The following ASCC3 variants were observed in gnomAD, a reference collection of about 807,000 sequenced individuals.
ASCC3 encodes the protein activating signal cointegrator 1 complex subunit 3, also known as ASC-1 complex subunit P200.
A neutral mutation model predicts 256.3 loss-of-function variants in ASCC3; 158 were observed. The ratio of observed to expected loss-of-function variants is 0.62; its 90% confidence interval spans 0.54 to 0.70. ASCC3 has a LOEUF of 0.70. Among genes scored for constraint, ASCC3 ranks in the 30% least tolerant of loss-of-function variants. ASCC3 has a pLI of 0.00. For missense variants in ASCC3, 2,259 were observed against 2,626.0 expected, an observed-to-expected ratio of 0.86 and a Z score of 3.05; for synonymous variants, 948 against 883.4, an observed-to-expected ratio of 1.07 and a Z score of -1.30.
At chr6:100,712,090 A>G (rs957384784) in intron 13 of ASCC3, among the ~76,000 whole-genome samples, 2 of 152,236 alleles carry the variant, frequency 1.3e-5, no homozygotes, top group African/African-American at 4.8e-5. Context: ...ATCTAGACGC[A>G]GACCTCATAT....
chr6:100,663,214 A>T (rs1270708522), intron 14 of ASCC3, among the ~76,000 whole-genome samples: 1 of 151,996 alleles, frequency 6.6e-6, no homozygotes, highest in Non-Finnish European at 1.5e-5. Context: ...TCAACTATAG[A>T]TGTGCATTGA....
rs1348668081 is a variant in ASCC3 at position 100,638,728 on chromosome 6, G to A, written c.3995C>T (p.Thr1332Ile). 6.2e-7 allele frequency: 1 copy of A among 1,613,978 alleles called. No individual in the cohort carries two copies. Residue 1332 changes from threonine to isoleucine, a missense_variant, in exon 25 of 42, where the codon ACA becomes ATA. Thr to Ile is a moderately conservative substitution (Grantham distance 89). Around this residue, in one of 2 missense-constraint regions of ASCC3, gnomAD observed 1,839 missense variants for 2,206.7 expected, o/e 0.83. Transcript: ENST00000369162. ...GTGATACAATGTATGAAATATTTGT[G>A]TCTGTACAGGGTTAAAGTGGCTGAA... The part of the protein sequence containing the change: ...YNFSHFNPVQ[T>I]QIFHTLYHTD...
chr6:100,562,726 A>G (rs1408367457), intron 36 of ASCC3, among the ~76,000 whole-genome samples: 1 of 152,042 alleles, frequency 6.6e-6, no homozygotes, highest in African/African-American at 2.4e-5. Flanking sequence ...GTGTACATAC[A>G]TTTTGACAGC....
intron 36 of ASCC3, among the ~76,000 whole-genome samples, chr6:100,566,419 C>T (rs1303562232): frequency 6.6e-6 from 1 of 152,114 alleles, no homozygotes; most frequent in Non-Finnish European, 1.5e-5. Context: ...ATACTATGGC[C>T]ACCTCAATGT....
chr6:100,860,555 AT>A (rs1276430321), intron 3 of ASCC3, among the ~76,000 whole-genome samples: 1 of 151,916 alleles, frequency 6.6e-6, no homozygotes, highest in African/African-American at 2.4e-5. Context: ...TCTATACTTC[AT>A]TTGTTTATTG....
At chr6:100,860,066 A>G (rs1773147536) in intron 3 of ASCC3, among the ~76,000 whole-genome samples, 1 of 152,034 alleles carries the variant, frequency 6.6e-6, no homozygotes, top group South Asian at 2.1e-4. Flanking sequence ...TGCAAATCTT[A>G]CTGGCCTCAT....
At chr6:100,662,133 G>A (rs1582653882) in intron 15 of ASCC3, 103 bp from the exon 16 acceptor site, 3 of 1,216,808 alleles carry the variant, frequency 2.5e-6, no homozygotes, top group Admixed American at 1.9e-5. Context: ...TCTCAAAAGT[G>A]TACTTTAACT....
At chr6:100,825,005 T>C (rs1771228934) in intron 4 of ASCC3, among the ~76,000 whole-genome samples, 1 of 152,192 alleles carries the variant, frequency 6.6e-6, no homozygotes. Context: ...ACACCCCATG[T>C]ACCATTCCAA....
At position 100,793,361 on chromosome 6, in the gene ASCC3, A is replaced by G. The variant is rs1769443746; in HGVS notation, c.1395+5352T>C. ...ATGAGATCACTTTGAAGACAATGAA[A>G]TGTCACTAAAACCTGGTCATGCCCC... On this transcript the variant is annotated intron_variant, in intron 8 of 41. Transcript: ENST00000369162. Among the ~76,000 whole-genome samples, 3 of 152,034 alleles carry G rather than the reference A, an allele frequency of 2.0e-5. No individual in the cohort carries two copies. In the South Asian group the frequency reaches 6.2e-4, roughly 31 times the overall value.
intron 34 of ASCC3, 100 bp downstream of exon 34, chr6:100,601,710 T>C: frequency 7.1e-7 from 1 of 1,402,856 alleles, no homozygotes; most frequent in South Asian, 1.2e-5. Flanking sequence ...TCTCCAAAGT[T>C]CTGCCTTTTT....
chr6:100,725,373 G>A (rs562143083), intron 11 of ASCC3, among the ~76,000 whole-genome samples, 166 bp downstream of exon 11: 89 of 151,828 alleles, frequency 5.9e-4, no homozygotes, highest in African/African-American at 1.9e-3. Context: ...TAGCCAGTGA[G>A]GTCTAAAACT....
intron 16 of ASCC3, among the ~76,000 whole-genome samples, chr6:100,656,414 A>G (rs1775917911): frequency 6.6e-6 from 1 of 151,800 alleles, no homozygotes; most frequent in South Asian, 2.1e-4. Flanking sequence ...TGATTTATAC[A>G]TATTAATAAT....
intron 34 of ASCC3, among the ~76,000 whole-genome samples, chr6:100,601,541 C>T (rs1052396930): frequency 5.3e-5 from 8 of 152,066 alleles, no homozygotes; most frequent in Admixed American, 2.0e-4. Flanking sequence ...TTCTTAATGA[C>T]TTCAGGTATC....
At chr6:100,863,739 C>T (rs1385591725) in intron 3 of ASCC3, among the ~76,000 whole-genome samples, 2 of 152,082 alleles carry the variant, frequency 1.3e-5, no homozygotes, top group East Asian at 3.9e-4. Flanking sequence ...CATCAGCCTC[C>T]AGAGTAGCTG....
rs1358297518 is a variant in ASCC3, at chr6:100,531,020, C to T, written c.5775+9143G>A. The T allele has an allele frequency of 3.1e-5, 49 of 1,595,126 alleles. 1 individual carries two copies. The East Asian group carries it at 1.1e-3, about 34-fold the overall frequency. On this transcript the variant is annotated intron_variant, in intron 37 of 41. Transcript: ENST00000369162. Reference sequence around the variant, plus strand: ...TGACTTTGTGGAATTTGCACGCCCTCAAACTGCTGGGACAAAAAGTACAAC... The same window carrying T: ...TGACTTTGTGGAATTTGCACGCCCTTAAACTGCTGGGACAAAAAGTACAAC...
chr6:100,531,522 T>C (rs1276364032), intron 37 of ASCC3, among the ~76,000 whole-genome samples: 1 of 151,970 alleles, frequency 6.6e-6, no homozygotes, highest in Admixed American at 6.6e-5. Flanking sequence ...ATAAGGGTGA[T>C]ATATTTAAGT....
chr6:100,826,530 T>C (rs1467570977), intron 4 of ASCC3, among the ~76,000 whole-genome samples: 4 of 152,224 alleles, frequency 2.6e-5, no homozygotes, highest in African/African-American at 4.8e-5. Context: ...GCTTTCTAAG[T>C]CCACATTATG....
intron 1 of ASCC3, among the ~76,000 whole-genome samples, chr6:100,875,884 C>T (rs1773979952): frequency 6.6e-6 from 1 of 151,936 alleles, no homozygotes; most frequent in South Asian, 2.1e-4. Context: ...AACAAAAAAC[C>T]CTACAAATGG....
chr6:100,811,893 C>T (rs1770487907), intron 4 of ASCC3, among the ~76,000 whole-genome samples: 1 of 152,088 alleles, frequency 6.6e-6, no homozygotes, highest in Non-Finnish European at 1.5e-5. Flanking sequence ...AAAGGGGCCA[C>T]AGAGTTATTG....
Sources: allele counts gnomAD v4.1 joint callset (sites outside exome capture counted in the v4.1 genomes callset), GRCh38; gene constraint gnomAD v4.1.1; regional missense constraint gnomAD v4.1.1; transcripts MANE v1.5; gene names NCBI Gene and HGNC (gene_info 2026-07-23, HGNC 2026-07-21).